The following RNF130 variants were observed in gnomAD, a reference collection of about 807,000 sequenced individuals.
The protein encoded by RNF130 is E3 ubiquitin-protein ligase RNF130.
Under a neutral mutation model 44.6 loss-of-function variants are expected in RNF130, and 21 were observed. The observed-to-expected ratio is 0.47, with a 90% CI of 0.33 to 0.68. The LOEUF is 0.68. Among genes scored for constraint, RNF130 ranks in the 30% least tolerant of loss-of-function variants. RNF130 has a pLI of 0.02. For synonymous variants in RNF130, 214 were observed against 210.4 expected (o/e 1.02, Z -0.15); for missense variants, 479 against 560.6 (o/e 0.85, Z 1.47).
chr5:180,032,533 G>T (rs1438376964), intron 2 of RNF130, among the ~76,000 whole-genome samples: 1 of 152,138 alleles, frequency 6.6e-6, no homozygotes, highest in African/African-American at 2.4e-5. Flanking sequence ...ACGAGGCCCG[G>T]CTTCTTTTTT....
At chr5:179,962,958 C>T (rs571001766) in intron 8 of RNF130, among the ~76,000 whole-genome samples, 2 of 152,356 alleles carry the variant, frequency 1.3e-5, no homozygotes, top group South Asian at 4.1e-4. Flanking sequence ...ATTTTCTCTT[C>T]CTCCTCACAG....
chr5:180,066,200 C>T (rs1765103725), intron 1 of RNF130, among the ~76,000 whole-genome samples: 1 of 152,164 alleles, frequency 6.6e-6, no homozygotes, highest in Non-Finnish European at 1.5e-5. Flanking sequence ...ATCATGGAGG[C>T]GGTTTCCCCC....
intron 7 of RNF130, among the ~76,000 whole-genome samples, chr5:179,929,172 C>A (rs192768263): frequency 6.6e-6 from 1 of 152,126 alleles, no homozygotes; most frequent in Admixed American, 6.6e-5. Context: ...AGATTCATTT[C>A]TTTCTTTATA....
At chr5:179,980,379 T>G (rs961543385) in intron 3 of RNF130, 179 bp from the exon 4 acceptor site, 3 of 577,900 alleles carry the variant, frequency 5.2e-6, no homozygotes, top group Non-Finnish European at 9.1e-6. Flanking sequence ...GCATTCTGGT[T>G]GAAAAGTAAA....
intron 2 of RNF130, among the ~76,000 whole-genome samples, chr5:180,017,290 T>C (rs1226852963): frequency 2.0e-5 from 3 of 152,238 alleles, no homozygotes; most frequent in African/African-American, 7.2e-5. Flanking sequence ...AGCTCGTCAC[T>C]TCAGGAAGTG....
At chr5:180,063,730 A>AT (rs1405343129) in intron 1 of RNF130, among the ~76,000 whole-genome samples, 1 of 152,226 alleles carries the variant, frequency 6.6e-6, no homozygotes, top group Non-Finnish European at 1.5e-5. Context: ...AACATGTCTG[A>AT]TCTCAAACCT....
chr5:180,033,278 G>C (rs1764173975), intron 2 of RNF130, among the ~76,000 whole-genome samples: 1 of 152,116 alleles, frequency 6.6e-6, no homozygotes, highest in South Asian at 2.1e-4. Context: ...TACCACACTT[G>C]GCTGAGATTT....
intron 3 of RNF130, among the ~76,000 whole-genome samples, chr5:180,010,873 A>C (rs1763578558): frequency 1.3e-5 from 2 of 152,186 alleles, no homozygotes; most frequent in African/African-American, 2.4e-5. Flanking sequence ...CTAAAGACAG[A>C]CACACACATA....
intron 7 of RNF130, chr5:179,934,031 G>C (rs1312567188): frequency 1.8e-5 from 5 of 284,688 alleles, no homozygotes; most frequent in Non-Finnish European, 3.4e-5. Context: ...TCCCAGCTCT[G>C]TGACGATCAG....
chr5:179,923,164 T>C (rs147118364), intron 7 of RNF130, among the ~76,000 whole-genome samples: 2 of 152,340 alleles, frequency 1.3e-5, no homozygotes, highest in African/African-American at 2.4e-5. Flanking sequence ...AGAAGCTTTA[T>C]AGTTTTAGTT....
chr5:179,993,931 G>T (rs896859666), intron 3 of RNF130, among the ~76,000 whole-genome samples: 2 of 152,188 alleles, frequency 1.3e-5, no homozygotes, highest in Non-Finnish European at 2.9e-5. Flanking sequence ...TCCAGTTTCA[G>T]CTTTCTACAT....
chr5:180,002,310 G>A (rs925019844), intron 3 of RNF130, among the ~76,000 whole-genome samples: 1 of 152,200 alleles, frequency 6.6e-6, no homozygotes, highest in African/African-American at 2.4e-5. Context: ...GCTGGCCCCC[G>A]AGGAACAGAG....
chr5:180,002,268 G>A (rs145028282), intron 3 of RNF130, among the ~76,000 whole-genome samples: 30 of 152,360 alleles, frequency 2.0e-4, no homozygotes, highest in South Asian at 4.1e-4. Flanking sequence ...CAAAGCAGCT[G>A]GGGGAAGAAC....
chr5:179,979,341 G>T (rs150577897), intron 4 of RNF130, among the ~76,000 whole-genome samples: 1 of 150,044 alleles, frequency 6.7e-6, no homozygotes, highest in African/African-American at 2.5e-5. Context: ...AACTAGATAC[G>T]GTGGTATCAA....
chr5:180,071,748 C>CGGCGCCTAGAGGCGGGGCG lies in RNF130; in HGVS notation c.-47_-46insCGCCCCGCCTCTAGGCGCC. ...CTGCTCGCGGACCGGGCTCCGGGGC[C>CGGCGCCTAGAGGCGGGGCG]GGCGCCTAGAGGCGGGGCGGGCGCG... On this transcript the variant is annotated 5_prime_UTR_variant, in exon 1 of 9. Transcript: ENST00000521389. 8.8e-7 allele frequency: 1 copy of CGGCGCCTAGAGGCGGGGCG among 1,135,854 alleles called. No individual in the cohort carries two copies. The highest frequency in any genetic ancestry group is 1.1e-6 in the Non-Finnish European group (1 of 927,796). The allele number at this position is 1,135,854 out of a possible 1,614,324, so 70.4% of individuals were successfully genotyped here.
chr5:180,014,034 G>A (rs903960496), intron 2 of RNF130, among the ~76,000 whole-genome samples: 9 of 152,194 alleles, frequency 5.9e-5, no homozygotes, highest in African/African-American at 2.2e-4. Context: ...GAAATCAAAC[G>A]TTCCAGAGAC....
intron 5 of RNF130, among the ~76,000 whole-genome samples, chr5:179,974,313 T>G (rs1459570816): frequency 6.6e-6 from 1 of 152,142 alleles, no homozygotes; most frequent in East Asian, 1.9e-4. Flanking sequence ...GAAAACGTAC[T>G]TCTAACGACT....
At chr5:180,048,001 C>CTTTT (rs67545539) in intron 1 of RNF130, among the ~76,000 whole-genome samples, 1 of 146,932 alleles carries the variant, frequency 6.8e-6, no homozygotes. Context: ...CAACAGCACA[C>CTTTT]TTTTTTTTTT....
rs566428242 is a variant in RNF130 at position 180,063,385 on chromosome 5, A to G, written c.247+8071T>C. On this transcript the variant is annotated intron_variant, in intron 1 of 8. Transcript: ENST00000521389. Reference sequence around the variant, plus strand: ...GAGCCAAAGAAGCAAGGATGGTCCTAATTTGTGTAAATAACAAGGGTGGAT... The same window carrying G: ...GAGCCAAAGAAGCAAGGATGGTCCTGATTTGTGTAAATAACAAGGGTGGAT... 1.3e-3 allele frequency among the ~76,000 whole-genome samples: 193 copies of G among 152,320 alleles called. 1 individual carries two copies. The highest frequency in any genetic ancestry group is 4.4e-3 in the African/African-American group (185 of 41,578).
Sources: gnomAD v4.1 joint callset for allele counts (sites outside exome capture counted in the v4.1 genomes callset) on GRCh38, gnomAD v4.1.1 for gene constraint, MANE v1.5 for transcripts, NCBI Gene and HGNC (gene_info 2026-07-23, HGNC 2026-07-21) for gene names.